ZNF711: variants seen among roughly 807,000 people sequenced by gnomAD.
ZNF711 encodes the protein ZFX family zinc finger ZNF711, also known as zinc finger protein 711.
Under a neutral mutation model 43.5 loss-of-function variants are expected in ZNF711, and 3 were observed. The ratio of observed to expected loss-of-function variants is 0.07; its 90% CI spans 0.03 to 0.18. ZNF711 has a LOEUF of 0.18. Among genes scored for constraint, ZNF711 ranks in the 10% least tolerant of loss-of-function variants. The pLI is 1.00. For synonymous variants in ZNF711, 209 were observed against 207.7 expected, an observed-to-expected ratio of 1.01 and a Z score of -0.06; for missense variants, 412 against 604.0, an observed-to-expected ratio of 0.68 and a Z score of 3.33.
chrX:85,265,286 T>C, intron 7 of ZNF711, 31 bp downstream of exon 7: 2 of 1,190,320 alleles, frequency 1.7e-6, no homozygotes, highest in South Asian at 1.8e-5. Flanking sequence ...TAGTGACTTA[T>C]CAGTAGCCAT....
chrX:85,271,400 A>G lies in ZNF711; in HGVS notation c.1996A>G (p.Lys666Glu). 8.3e-7 allele frequency: 1 copy of G among 1,211,027 alleles called. No homozygotes were observed. The highest frequency in any genetic ancestry group is 1.1e-6 in the Non-Finnish European group (1 of 895,226). ...ISVHTKDFPH[K>E]CEVCDKGFHR... ...TGTCCATACTAAGGATTTTCCTCAC[A>G]AATGTGAGGTCTGTGATAAAGGTTT... Residue 666 changes from lysine (K) to glutamate (E), a missense_variant, in exon 11 of 11, where the codon AAA (lysine) becomes GAA (glutamate). Physicochemically the swap from Lys to Glu is moderately conservative, Grantham distance 56. Around this residue, in one of 4 missense-constraint regions of ZNF711, gnomAD observed 375 missense variants for 514.2 expected, o/e 0.73. Transcript: ENST00000674551.
chrX:85,244,373 C>T (rs1294162522), intron 1 of ZNF711, among the ~76,000 whole-genome samples, 182 bp downstream of exon 1: 1 of 111,864 alleles, frequency 8.9e-6, no homozygotes, highest in Non-Finnish European at 1.9e-5. Context: ...TCAGCCGCAG[C>T]CGGGGGCTGG....
chrX:85,248,630 A>G (rs1029708354), intron 4 of ZNF711, among the ~76,000 whole-genome samples: 1 of 111,017 alleles, frequency 9.0e-6, no homozygotes, highest in African/African-American at 3.3e-5. Flanking sequence ...TACAGAGGAG[A>G]TAGAGCTATT....
intron 4 of ZNF711, among the ~76,000 whole-genome samples, chrX:85,253,161 G>T (rs1197165281): frequency 9.0e-6 from 1 of 111,521 alleles, no homozygotes; most frequent in Non-Finnish European, 1.9e-5. Flanking sequence ...GGGCAGGTAG[G>T]AGTTGGTGTT....
intron 8 of ZNF711, 114 bp downstream of exon 8, chrX:85,267,529 G>A: frequency 1.8e-6 from 1 of 558,356 alleles, no homozygotes; most frequent in Non-Finnish European, 2.5e-6. Flanking sequence ...ATAATAAAAT[G>A]TTTTACACTG....
chrX:85,252,446 A>G (rs1929629810), intron 4 of ZNF711, among the ~76,000 whole-genome samples: 1 of 111,549 alleles, frequency 9.0e-6, no homozygotes, highest in Admixed American at 9.5e-5. Flanking sequence ...AACCAGACTA[A>G]TCTTCAGCAG....
At chrX:85,244,341 G>T (rs939848988) in intron 1 of ZNF711, 150 bp downstream of exon 1, 1 of 117,129 alleles carries the variant, frequency 8.5e-6, no homozygotes, top group Non-Finnish European at 1.8e-5. Context: ...CTTTCCTCCC[G>T]CCTCGGGCGG....
At position 85,247,369 on chromosome X, in the gene ZNF711, C is replaced by A. The variant is rs1929120296; in HGVS notation, c.-26-178C>A. 5 of 362,178 alleles carry A rather than the reference C, an allele frequency of 1.4e-5. No homozygotes were observed. In the South Asian group the frequency reaches 3.7e-4, roughly 27 times the overall value. The allele number at this position is 362,178 out of a possible 1,213,427, so 29.8% of individuals were successfully genotyped here. A position where few individuals can be genotyped will look rare whatever the true frequency, so the allele number is the denominator to read the frequency against. On this transcript the variant is annotated intron_variant, in intron 3 of 10. Coordinates refer to ENST00000674551, the MANE Select transcript of ZNF711 (RefSeq NM_001330574.2). The stretch of plus-strand genomic sequence containing the variant: ...TTTGGTTTACTTCCACTTGGCACTT[C>A]TTTTATTTATGGTTGTCACATAAAG...
At chrX:85,248,052 TA>T (rs764208407) in intron 4 of ZNF711, among the ~76,000 whole-genome samples, 15 of 109,105 alleles carry the variant, frequency 1.4e-4, no homozygotes, top group East Asian at 2.9e-4. Flanking sequence ...TTACATCAAC[TA>T]AAAAAAAGAT....
rs762723508 is a variant in ZNF711, at chrX:85,271,454, A to G, written c.2050A>G (p.Ser684Gly). 8 of 1,209,562 alleles carry G rather than the reference A, an allele frequency of 6.6e-6. No individual in the cohort carries two copies. Among genetic ancestry groups the G allele is most frequent in the African/African-American group, 1.7e-5 (1 of 57,152 alleles). The part of the protein sequence containing the change: ...FHRPSELKKH[S>G]DIHKGRKIHQ... ...TCGTCCTTCTGAGCTCAAAAAGCAT[A>G]GTGATATCCATAAGGGTAGGAAGAT... is the stretch of plus-strand genomic sequence containing the variant. Residue 684 changes from serine to glycine, a missense_variant, in exon 11 of 11, where the codon AGT becomes GGT. Ser to Gly is a moderately conservative substitution (Grantham distance 56). Transcript: ENST00000674551.
At chrX:85,264,965 A>G (rs965248393) in intron 6 of ZNF711, among the ~76,000 whole-genome samples, 153 bp from the exon 7 acceptor site, 14 of 111,717 alleles carry the variant, frequency 1.3e-4, no homozygotes, top group Non-Finnish European at 2.6e-4. Flanking sequence ...CTGAAAATTT[A>G]AAGTATAATT....
intron 4 of ZNF711, among the ~76,000 whole-genome samples, chrX:85,251,144 A>G (rs765958927): frequency 8.9e-6 from 1 of 111,812 alleles, no homozygotes; most frequent in East Asian, 2.8e-4. Flanking sequence ...TGTGAAACTT[A>G]GAGTTTAACA....
In ZNF711 at chrX:85,271,822, T is replaced by C; in HGVS notation, c.2418T>C (p.Leu806=). The stretch of plus-strand genomic sequence containing the variant: ...TTATGAGGCACCACAAAGAGGCTCT[T>C]ATGTAATAAGATCAATATAAAGAAA... ...QHIMRHHKEA[L]M Residue 806 remains leucine (L), a synonymous_variant, in exon 11 of 11, where the codon CTT becomes CTC. Transcript: ENST00000674551. 1 of 1,200,807 alleles carries C rather than the reference T, an allele frequency of 8.3e-7. No homozygotes were observed.
At chrX:85,268,030 A>G (rs1230460735) in intron 8 of ZNF711, among the ~76,000 whole-genome samples, 1 of 111,236 alleles carries the variant, frequency 9.0e-6, no homozygotes, top group Non-Finnish European at 1.9e-5. Context: ...TTAGGGGTAC[A>G]CTGCAGAAAT....
chrX:85,260,034 G>A (rs185466701), intron 5 of ZNF711, among the ~76,000 whole-genome samples: 13 of 111,049 alleles, frequency 1.2e-4, no homozygotes, highest in Admixed American at 1.9e-4. Context: ...TGTCATAAAT[G>A]GCTGTTATTA....
At chrX:85,251,912 T>C (rs907955738) in intron 4 of ZNF711, among the ~76,000 whole-genome samples, 1 of 111,333 alleles carries the variant, frequency 9.0e-6, no homozygotes, top group Non-Finnish European at 1.9e-5. Flanking sequence ...GGCAACCTTA[T>C]ATAACATCTG....
chrX:85,253,865 A>G (rs1424719279), intron 4 of ZNF711, among the ~76,000 whole-genome samples: 1 of 111,438 alleles, frequency 9.0e-6, no homozygotes, highest in Non-Finnish European at 1.9e-5. Context: ...GAGATAATAT[A>G]AATTACTCCA....
chrX:85,247,791 C>T (rs1929161116), intron 4 of ZNF711, 140 bp downstream of exon 4: 1 of 519,808 alleles, frequency 1.9e-6, no homozygotes, highest in South Asian at 3.1e-5. Flanking sequence ...AGCTTATTCT[C>T]ATAAAGCTGT....
At chrX:85,246,849 C>G in intron 2 of ZNF711, 81 bp from the exon 3 acceptor site, 1 of 293,265 alleles carries the variant, frequency 3.4e-6, no homozygotes, top group Non-Finnish European at 6.0e-6. Flanking sequence ...GTCAGTTGTA[C>G]AATTACAAGT....
Sources: gnomAD v4.1 joint callset for allele counts (sites outside exome capture counted in the v4.1 genomes callset) on GRCh38, gnomAD v4.1.1 for gene constraint, gnomAD v4.1.1 regional missense constraint, MANE v1.5 for transcripts, NCBI Gene and HGNC (gene_info 2026-07-23, HGNC 2026-07-21) for gene names.